The following SUSD1 variants were observed in gnomAD, a reference collection of about 807,000 sequenced individuals.
The protein encoded by SUSD1 is sushi domain-containing protein 1.
A neutral mutation model predicts 86.9 loss-of-function variants in SUSD1; 65 were observed. That is an observed-to-expected ratio of 0.75 (90% CI 0.61 to 0.92). The LOEUF is 0.92. Among genes scored for constraint, SUSD1 ranks in the 40% least tolerant of loss-of-function variants. The pLI, the probability that SUSD1 is intolerant of heterozygous loss-of-function variation, is 0.00. For synonymous variants in SUSD1, 346 were observed against 350.0 expected (o/e 0.99, Z 0.13); for missense variants, 850 against 929.7 (o/e 0.91, Z 1.11).
chr9:112,143,531 A>T lies in SUSD1; in HGVS notation c.466T>A (p.Tyr156Asn), dbSNP rs1589719235. ...GSFECYCMDG[Y>N]LPRNGPEPFH... Reference sequence around the variant, plus strand: ...GGTTCAGGTCCATTCCTTGGCAAGTATCCATCCATACAGTAGCATTCAAAG... The same window carrying T: ...GGTTCAGGTCCATTCCTTGGCAAGTTTCCATCCATACAGTAGCATTCAAAG... The change falls in exon 4 of 17, where the codon TAC (tyrosine) becomes AAC (asparagine). Residue 156 changes from tyrosine (Y) to asparagine (N), a missense_variant. Tyr to Asn is a moderately radical substitution (Grantham distance 143, BLOSUM62 -2). Coordinates refer to ENST00000374270, the MANE Select transcript of SUSD1 (RefSeq NM_022486.5). The T allele has an allele frequency of 3.1e-6, 5 of 1,614,144 alleles. No individual in the cohort carries two copies. The East Asian group carries it at 1.1e-4, about 36-fold the overall frequency.
intron 14 of SUSD1, among the ~76,000 whole-genome samples, chr9:112,056,827 C>T (rs1828472860): frequency 6.6e-6 from 1 of 152,096 alleles, no homozygotes; most frequent in East Asian, 1.9e-4. Context: ...AAGAAATCTC[C>T]TGCCTCAGCC....
intron 10 of SUSD1, among the ~76,000 whole-genome samples, chr9:112,090,817 C>T (rs2131588599): frequency 6.6e-6 from 1 of 152,230 alleles, no homozygotes; most frequent in East Asian, 1.9e-4. Context: ...ATATTTTAGA[C>T]TAAAAAGTAT....
intron 1 of SUSD1, among the ~76,000 whole-genome samples, chr9:112,161,816 C>T (rs1833581913): frequency 1.0e-5 from 1 of 95,796 alleles, no homozygotes; most frequent in Admixed American, 1.1e-4. Flanking sequence ...AGCAAGACTC[C>T]ATCCAAAAAA....
At chr9:112,078,809 C>CTTTTT in intron 11 of SUSD1, 85 bp from the exon 12 acceptor site, 5 of 829,698 alleles carry the variant, frequency 6.0e-6, no homozygotes, top group Non-Finnish European at 6.9e-6. Context: ...CTTTTTCTTT[C>CTTTTT]TCTTTTTTTT....
At chr9:112,140,513 CAAAAAAAAAAAG>C (rs1832518433) in intron 5 of SUSD1, among the ~76,000 whole-genome samples, 1 of 105,492 alleles carries the variant, frequency 9.5e-6, no homozygotes. Flanking sequence ...GACTCTGTCT[CAAAAAAAAAAAG>C]AAAAAAGAAA....
intron 12 of SUSD1, among the ~76,000 whole-genome samples, chr9:112,068,059 G>A (rs1829069485): frequency 1.3e-5 from 2 of 152,188 alleles, no homozygotes; most frequent in South Asian, 4.1e-4. Flanking sequence ...CGCAGGCTCT[G>A]TGCTAGGCTG....
chr9:112,133,371 G>T (rs1221006987), intron 5 of SUSD1, among the ~76,000 whole-genome samples: 2 of 152,190 alleles, frequency 1.3e-5, no homozygotes, highest in Admixed American at 6.5e-5. Flanking sequence ...AGGCCAATAG[G>T]CCAATGGAAC....
At chr9:112,049,976 C>A (rs1828118689) in intron 15 of SUSD1, among the ~76,000 whole-genome samples, 1 of 152,202 alleles carries the variant, frequency 6.6e-6, no homozygotes, top group Non-Finnish European at 1.5e-5. Flanking sequence ...GCAGCCAGCT[C>A]TTTGGCGATT....
At chr9:112,070,307 G>A (rs538593956) in intron 12 of SUSD1, among the ~76,000 whole-genome samples, 56 of 152,138 alleles carry the variant, frequency 3.7e-4, no homozygotes, top group African/African-American at 8.2e-4. Flanking sequence ...ACGCCCAGCC[G>A]CTGCCTTATA....
chr9:112,128,400 CTT>C (rs906160963), intron 5 of SUSD1, among the ~76,000 whole-genome samples: 7 of 145,282 alleles, frequency 4.8e-5, no homozygotes, highest in African/African-American at 1.5e-4. Flanking sequence ...GGCCTACAAT[CTT>C]TTTTTTTTTG....
chr9:112,119,222 T>A (rs1589682644), intron 6 of SUSD1, among the ~76,000 whole-genome samples: 1 of 152,374 alleles, frequency 6.6e-6, no homozygotes, highest in South Asian at 2.1e-4. Context: ...AGCTGAGCCC[T>A]GGGTGTGTAC....
chr9:112,134,843 G>A (rs866344349), intron 5 of SUSD1, among the ~76,000 whole-genome samples: 1 of 151,990 alleles, frequency 6.6e-6, no homozygotes, highest in Non-Finnish European at 1.5e-5. Flanking sequence ...CAAGGCAGGA[G>A]GATCACCTGA....
Position 112,080,059 on chromosome 9 carries a change from C to T in SUSD1, c.1566+15G>A. On this transcript the variant is annotated intron_variant, in intron 11 of 16. Transcript: ENST00000374270. ...AGACAACCATCTATAAATACAGTAA[C>T]TTTCAGTCACTTACTAAATACATCT... 1 of 1,587,810 alleles carries T rather than the reference C, an allele frequency of 6.3e-7. No individual in the cohort carries two copies. Among genetic ancestry groups the T allele is most frequent in the Admixed American group, 1.7e-5 (1 of 59,950 alleles).
Position 112,116,752 on chromosome 9 carries a change from G to C in SUSD1, c.887-3884C>G, listed in dbSNP as rs558358538. On this transcript the variant is annotated intron_variant, in intron 6 of 16. Transcript: ENST00000374270. Reference sequence around the variant, plus strand: ...CTGGGAAACACTGAAACCCAGGGGGGAACCAGAGGAAAAAGGCAATGCAGA... The same window carrying C: ...CTGGGAAACACTGAAACCCAGGGGGCAACCAGAGGAAAAAGGCAATGCAGA... Among the ~76,000 whole-genome samples the C allele has an allele frequency of 8.5e-5, 13 of 152,308 alleles. No homozygotes were observed. The East Asian group carries it at 1.7e-3, about 20-fold the overall frequency.
Position 112,138,237 on chromosome 9 carries a change from G to GTATATATATATATA in SUSD1, c.706+4069_706+4082dup, listed in dbSNP as rs375674193. Among the ~76,000 whole-genome samples the GTATATATATATATA allele has an allele frequency of 5.1e-3, 21 of 4,128 alleles. 1 individual carries two copies. Among genetic ancestry groups the GTATATATATATATA allele is most frequent in the Non-Finnish European group, 6.1e-3 (17 of 2,790 alleles). The allele number at this position is 4,128 out of a possible 152,430, so 2.7% of individuals were successfully genotyped here. On this transcript the variant is annotated intron_variant, in intron 5 of 16. Coordinates refer to ENST00000374270, the MANE Select transcript of SUSD1 (RefSeq NM_022486.5). ...AGACTCCATCTCAAAAAAAAAATGT[G>GTATATATATATATA]TATATATATATATATATATGTGTAT... is the stretch of plus-strand genomic sequence containing the variant.
chr9:112,172,868 G>A (rs763083647), intron 1 of SUSD1, among the ~76,000 whole-genome samples: 1 of 152,086 alleles, frequency 6.6e-6, no homozygotes. Context: ...CTACATTGTC[G>A]ACTGTCAGGA....
intron 12 of SUSD1, among the ~76,000 whole-genome samples, chr9:112,074,213 C>T (rs1308514306): frequency 1.3e-5 from 2 of 151,958 alleles, no homozygotes. Flanking sequence ...GAAATTCTGT[C>T]TCAAAACAAA....
rs760834422 is a variant in SUSD1 at position 112,157,573 on chromosome 9, G to C, written c.144C>G (p.Cys48Trp). Reference protein sequence around the residue: ...VCATCHEHATCQQREGKKICI... With the variant: ...VCATCHEHATWQQREGKKICI... ...AGATCTTCTTCCCTTCTCTTTGCTG[G>C]CATGTGGCATGTTCATGGCAAGTGG... Residue 48 changes from cysteine (C) to tryptophan (W), a missense_variant, in exon 2 of 17, where the codon TGC (cysteine) becomes TGG (tryptophan). By Grantham distance (215) the Cys-to-Trp change is radical (BLOSUM62 -2). Coordinates refer to ENST00000374270, the MANE Select transcript of SUSD1 (RefSeq NM_022486.5). 6.2e-7 allele frequency: 1 copy of C among 1,614,032 alleles called. No homozygotes were observed. The highest frequency in any genetic ancestry group is 1.7e-5 in the Admixed American group (1 of 60,000).
chr9:112,069,824 G>A (rs373149158), intron 12 of SUSD1, among the ~76,000 whole-genome samples: 134 of 151,758 alleles, frequency 8.8e-4, no homozygotes, highest in Non-Finnish European at 1.4e-3. Flanking sequence ...ACTGCAGACC[G>A]AGCAGGAAGG....
Sources: gnomAD v4.1 joint callset for allele counts (sites outside exome capture counted in the v4.1 genomes callset) on GRCh38, gnomAD v4.1.1 for gene constraint, MANE v1.5 for transcripts, NCBI Gene and HGNC (gene_info 2026-07-23, HGNC 2026-07-21) for gene names.